GABRB1: variants seen among roughly 807,000 people sequenced by gnomAD.
GABRB1 encodes the protein gamma-aminobutyric acid receptor subunit beta-1.
GABRB1 carries 17 observed loss-of-function variants against 51.6 expected under a neutral mutation model. The ratio of observed to expected loss-of-function variants is 0.33; its 90% CI spans 0.23 to 0.49. The LOEUF is 0.49. Among genes scored for constraint, GABRB1 ranks in the 20% least tolerant of loss-of-function variants. GABRB1 has a pLI of 0.99. For missense variants in GABRB1, 410 were observed against 600.6 expected (o/e 0.68, Z 3.32); for synonymous variants, 247 against 218.9 (o/e 1.13, Z -1.14).
At chr4:47,333,221 T>A in intron 5 of GABRB1, among the ~76,000 whole-genome samples, 1 of 69,496 alleles carries the variant, frequency 1.4e-5, no homozygotes, top group Non-Finnish European at 3.2e-5. Context: ...TATATATATA[T>A]ATATATATAT....
At chr4:47,377,349 A>C (rs1297441241) in intron 5 of GABRB1, among the ~76,000 whole-genome samples, 1 of 151,476 alleles carries the variant, frequency 6.6e-6, no homozygotes, top group African/African-American at 2.4e-5. Flanking sequence ...CCTCGCCGTG[A>C]GTGTTACAGT....
At chr4:47,094,847 A>G (rs752343643) in intron 3 of GABRB1, among the ~76,000 whole-genome samples, 6 of 152,094 alleles carry the variant, frequency 3.9e-5, no homozygotes, top group Non-Finnish European at 8.8e-5. Flanking sequence ...CTTATACAAG[A>G]GTTGAGGTGT....
intron 4 of GABRB1, among the ~76,000 whole-genome samples, chr4:47,219,023 G>C (rs551352893): frequency 6.6e-6 from 1 of 151,758 alleles, no homozygotes; most frequent in Non-Finnish European, 1.5e-5. Context: ...TTTAAAACTT[G>C]ATGTTATTAT....
At chr4:47,146,221 G>A (rs1316022510) in intron 3 of GABRB1, among the ~76,000 whole-genome samples, 1 of 152,008 alleles carries the variant, frequency 6.6e-6, no homozygotes, top group Non-Finnish European at 1.5e-5. Flanking sequence ...CCAGAAGTAA[G>A]CAAGTCAAAA....
intron 5 of GABRB1, 43 bp downstream of exon 5, chr4:47,320,252 T>C (rs749322796): frequency 1.6e-6 from 2 of 1,228,252 alleles, no homozygotes; most frequent in African/African-American, 3.0e-5. Flanking sequence ...GGATTCTTCC[T>C]TGACCCAGTT....
Position 47,403,387 on chromosome 4 carries a change from A to G in GABRB1, c.614A>G (p.Lys205Arg), listed in dbSNP as rs1409398063. 1 of 1,614,034 alleles carries G rather than the reference A, an allele frequency of 6.2e-7. No individual in the cohort carries two copies. Among genetic ancestry groups the G allele is most frequent in the Non-Finnish European group, 8.5e-7 (1 of 1,179,932 alleles). ...GGEGAVTGVN[K>R]IELPQFSIVD... is the part of the protein sequence containing the mutation. ...GAAGGGGCAGTCACTGGTGTTAATA[A>G]AATCGAACTTCCTCAATTTTCAATT... Residue 205 changes from lysine to arginine, a missense_variant, in exon 6 of 9, where the codon AAA becomes AGA. Lys to Arg is a conservative substitution (Grantham distance 26). Around this residue, in one of 5 missense-constraint regions of GABRB1, gnomAD observed 36 missense variants for 39.7 expected, o/e 0.91. Coordinates refer to ENST00000295454, the MANE Select transcript of GABRB1 (RefSeq NM_000812.4).
intron 4 of GABRB1, among the ~76,000 whole-genome samples, chr4:47,219,662 A>ACCC (rs1720694226): frequency 1.5e-4 from 23 of 151,770 alleles, no homozygotes; most frequent in Admixed American, 1.1e-3. Context: ...ACTTCCCACA[A>ACCC]TCCTATTCCT....
At chr4:47,381,178 G>A (rs1269290188) in intron 5 of GABRB1, among the ~76,000 whole-genome samples, 2 of 152,078 alleles carry the variant, frequency 1.3e-5, no homozygotes, top group African/African-American at 2.4e-5. Context: ...TCACCCTTGG[G>A]AGCTAAGGAA....
intron 8 of GABRB1, 115 bp from the exon 9 acceptor site, chr4:47,425,559 A>C (rs1729253774): frequency 5.2e-6 from 4 of 768,884 alleles, no homozygotes; most frequent in Non-Finnish European, 6.5e-6. Context: ...ACATCAAGCC[A>C]GATGTTTAGG....
intron 4 of GABRB1, among the ~76,000 whole-genome samples, chr4:47,206,807 G>A (rs1720141617): frequency 6.6e-6 from 1 of 151,078 alleles, no homozygotes; most frequent in African/African-American, 2.4e-5. Context: ...AATATAATTT[G>A]TTCTCTAATA....
intron 5 of GABRB1, among the ~76,000 whole-genome samples, chr4:47,356,829 A>G (rs145263111): frequency 6.7e-4 from 102 of 152,314 alleles, no homozygotes; most frequent in African/African-American, 2.3e-3. Context: ...AGATTTTAAA[A>G]ATATTATTTG....
intron 4 of GABRB1, among the ~76,000 whole-genome samples, chr4:47,273,864 T>TACACACACACAC (rs5858061): frequency 8.2e-6 from 1 of 122,322 alleles, no homozygotes; most frequent in African/African-American, 2.8e-5. Context: ...CATATATACA[T>TACACACACACAC]ACACACACAC....
intron 4 of GABRB1, among the ~76,000 whole-genome samples, chr4:47,215,673 A>T (rs1720526947): frequency 6.6e-6 from 1 of 152,082 alleles, no homozygotes; most frequent in Non-Finnish European, 1.5e-5. Context: ...ATAATTGTTA[A>T]ATTTTATTTT....
intron 1 of GABRB1, among the ~76,000 whole-genome samples, chr4:47,014,296 A>G (rs575259942): frequency 1.4e-4 from 22 of 152,316 alleles, no homozygotes; most frequent in African/African-American, 4.8e-4. Flanking sequence ...TTTGCTTTCT[A>G]CAAACACTTG....
chr4:47,049,760 G>T (rs1422629690), intron 3 of GABRB1, among the ~76,000 whole-genome samples: 2 of 152,254 alleles, frequency 1.3e-5, no homozygotes, highest in South Asian at 4.1e-4. Flanking sequence ...AGGGTTTACT[G>T]CAGATGAACA....
intron 4 of GABRB1, among the ~76,000 whole-genome samples, chr4:47,260,076 G>T (rs571261149): frequency 1.3e-5 from 2 of 152,210 alleles, no homozygotes; most frequent in African/African-American, 4.8e-5. Context: ...TTACCATTAT[G>T]CAATGGCCTT....
chr4:47,175,194 CTCTT>C (rs563068063), intron 4 of GABRB1, among the ~76,000 whole-genome samples: 205 of 146,392 alleles, frequency 1.4e-3, no homozygotes, highest in African/African-American at 3.6e-3. Flanking sequence ...TTCTCTCTCT[CTCTT>C]TCTTTCTTTC....
chr4:47,253,964 T>C (rs548339478), intron 4 of GABRB1, among the ~76,000 whole-genome samples: 35 of 152,342 alleles, frequency 2.3e-4, no homozygotes, highest in African/African-American at 7.5e-4. Flanking sequence ...CATCTCTTTA[T>C]TGAGATTGGA....
At chr4:47,145,316 A>G (rs1208401958) in intron 3 of GABRB1, among the ~76,000 whole-genome samples, 1 of 152,016 alleles carries the variant, frequency 6.6e-6, no homozygotes, top group Non-Finnish European at 1.5e-5. Flanking sequence ...TGGGATATAA[A>G]TTGGTAAACC....
Sources: gnomAD v4.1 joint callset for allele counts (sites outside exome capture counted in the v4.1 genomes callset) on GRCh38, gnomAD v4.1.1 for gene constraint, gnomAD v4.1.1 regional missense constraint, MANE v1.5 for transcripts, NCBI Gene and HGNC (gene_info 2026-07-23, HGNC 2026-07-21) for gene names.